The following ARHGAP44 variants were observed in gnomAD, a reference collection of about 807,000 sequenced individuals.
ARHGAP44 encodes the protein Rho GTPase activating protein 44, also known as rho GTPase-activating protein 44.
In ARHGAP44, 43 loss-of-function variants were observed where a neutral mutation model predicts 106.8. The observed-to-expected ratio is 0.40, with a 90% CI of 0.32 to 0.52. The LOEUF is 0.52. Ranked by LOEUF, ARHGAP44 falls within the 20% of genes least tolerant of loss-of-function variation. ARHGAP44 has a pLI of 0.48. For missense variants in ARHGAP44, 866 were observed against 1,050.5 expected, an observed-to-expected ratio of 0.82 and a Z score of 2.43; for synonymous variants, 439 against 410.3, an observed-to-expected ratio of 1.07 and a Z score of -0.85.
intron 1 of ARHGAP44, among the ~76,000 whole-genome samples, chr17:12,865,324 A>AT (rs2036205632): frequency 6.6e-6 from 1 of 152,108 alleles, no homozygotes. Flanking sequence ...CTCAATAACC[A>AT]TTTTTTGTTT....
chr17:12,809,019 C>T (rs2034361990), intron 1 of ARHGAP44, among the ~76,000 whole-genome samples: 5 of 152,194 alleles, frequency 3.3e-5, no homozygotes, highest in Admixed American at 2.6e-4. Context: ...TCATCTCTAT[C>T]AAGTTTAAAG....
rs898449512 is a variant in ARHGAP44, at chr17:12,958,332, C to T, written c.1343-385C>T. On this transcript the variant is annotated intron_variant, in intron 15 of 20. Transcript: ENST00000379672. This position sits in a 1 kb window ranked among gnomAD's most constrained non-coding sequence, Gnocchi z 4.1. ...TGACTAATTCCATTGGCTAGTGTTT[C>T]TCAAATGGTGTTAAGTAATGGTAGT... Among the ~76,000 whole-genome samples the T allele has an allele frequency of 6.6e-6, 1 of 152,122 alleles. No individual in the cohort carries two copies. Among genetic ancestry groups the T allele is most frequent in the African/African-American group, 2.4e-5 (1 of 41,416 alleles).
chr17:12,871,944 CT>C (rs144061779), intron 1 of ARHGAP44, among the ~76,000 whole-genome samples: 56 of 152,152 alleles, frequency 3.7e-4, no homozygotes, highest in Non-Finnish European at 4.7e-4. Context: ...GCCAATTAAA[CT>C]TTTTTTCTTT....
chr17:12,960,308 G>A (rs370907320), intron 16 of ARHGAP44, among the ~76,000 whole-genome samples: 4 of 152,024 alleles, frequency 2.6e-5, no homozygotes, highest in Non-Finnish European at 4.4e-5. Flanking sequence ...GGTGGCTCAC[G>A]CCTATAATCC....
chr17:12,926,405 A>ATATATATAATATATATG (rs1251000017), intron 6 of ARHGAP44, among the ~76,000 whole-genome samples: 150 of 145,080 alleles, frequency 1.0e-3, no homozygotes, highest in Middle Eastern at 3.6e-3. Context: ...TATATATTGT[A>ATATATATAATATATATG]TATATATAAT....
rs369864245 is a variant in ARHGAP44 at position 12,974,223 on chromosome 17, C to G, written c.1676C>G (p.Pro559Arg). 6.5e-7 allele frequency: 1 copy of G among 1,546,282 alleles called. No individual in the cohort carries two copies. Among genetic ancestry groups the G allele is most frequent in the Non-Finnish European group, 8.7e-7 (1 of 1,145,622 alleles). ...PAELAAPLPS[P>R]LPEQPLDSPA... ...GAGCTGGCTGCGCCCCTGCCTTCGC[C>G]GCTGCCGGAGCAGCCCCTGGACAGC... The change falls in exon 18 of 21, where the codon CCG becomes CGG. Residue 559 changes from proline (P) to arginine (R), a missense_variant. By Grantham distance (103) the Pro-to-Arg change is moderately radical. Transcript: ENST00000379672.
At chr17:12,913,421 C>A (rs2037799146) in intron 4 of ARHGAP44, among the ~76,000 whole-genome samples, 1 of 151,510 alleles carries the variant, frequency 6.6e-6, no homozygotes, top group South Asian at 2.1e-4. Context: ...AGTATACTAC[C>A]CAGATTAACT....
intron 3 of ARHGAP44, among the ~76,000 whole-genome samples, chr17:12,899,114 G>A (rs1232371037): frequency 2.6e-5 from 4 of 152,112 alleles, no homozygotes; most frequent in African/African-American, 9.7e-5. Context: ...GGGACTACAG[G>A]TGTGCGCCAC....
intron 3 of ARHGAP44, among the ~76,000 whole-genome samples, chr17:12,905,596 A>T (rs1256066219): frequency 1.3e-5 from 2 of 152,082 alleles, no homozygotes; most frequent in African/African-American, 4.8e-5. Context: ...TGCTCCACTC[A>T]CTGACAGGAT....
At chr17:12,856,389 G>A (rs2035911927) in intron 1 of ARHGAP44, among the ~76,000 whole-genome samples, 1 of 152,114 alleles carries the variant, frequency 6.6e-6, no homozygotes, top group Non-Finnish European at 1.5e-5. Context: ...GTTGAGCATG[G>A]CAGATAAATA....
chr17:12,979,965 C>G, intron 18 of ARHGAP44, 93 bp from the exon 19 acceptor site: 1 of 1,342,402 alleles, frequency 7.4e-7, no homozygotes, highest in Non-Finnish European at 1.0e-6. Context: ...TGCACGGGGC[C>G]CAGAAGGACA....
At chr17:12,822,570 A>G (rs1411477446) in intron 1 of ARHGAP44, among the ~76,000 whole-genome samples, 2 of 152,206 alleles carry the variant, frequency 1.3e-5, no homozygotes, top group African/African-American at 4.8e-5. Context: ...TTATTTATGG[A>G]AAGAAACCAA....
chr17:12,802,963 ATATATATTTTTTTT>A (rs1386397513), intron 1 of ARHGAP44, among the ~76,000 whole-genome samples: 6 of 22,126 alleles, frequency 2.7e-4, no homozygotes, highest in Admixed American at 1.6e-3. Context: ...ATATATATAT[ATATATATTTTTTTT>A]TTTTTTTTTT....
chr17:12,939,119 A>G (rs1190205184), intron 7 of ARHGAP44, among the ~76,000 whole-genome samples: 1 of 152,186 alleles, frequency 6.6e-6, no homozygotes, highest in Non-Finnish European at 1.5e-5. Context: ...GGGAAGACAG[A>G]CAGGGTTGAT....
intron 1 of ARHGAP44, among the ~76,000 whole-genome samples, chr17:12,892,964 CT>C (rs975626776): frequency 6.0e-5 from 9 of 150,902 alleles, no homozygotes; most frequent in Non-Finnish European, 1.2e-4. Flanking sequence ...AATCTATTGT[CT>C]TTTTTTCTTT....
chr17:12,841,637 C>CACACAAAA (rs1555546100), intron 1 of ARHGAP44, among the ~76,000 whole-genome samples: 6 of 101,618 alleles, frequency 5.9e-5, no homozygotes, highest in African/African-American at 2.2e-4. Context: ...CACACACACA[C>CACACAAAA]ACAAACAAAC....
chr17:12,949,565 G>T lies in ARHGAP44; in HGVS notation c.974-84G>T, dbSNP rs1277467474. On this transcript the variant is annotated intron_variant, in intron 11 of 20. Coordinates refer to ENST00000379672, the MANE Select transcript of ARHGAP44 (RefSeq NM_014859.6). The surrounding 1 kb of genome is among the most constrained non-coding windows in gnomAD (Gnocchi z 4.1). ...TGGTCAGGAGGCCCATCCCCAGATG[G>T]AACCCACATAGGCAGTGCTGGCTGG... 5 of 1,313,544 alleles carry T rather than the reference G, an allele frequency of 3.8e-6. No homozygotes were observed. The highest frequency in any genetic ancestry group is 5.4e-6 in the Non-Finnish European group (5 of 927,756). 81.4% of individuals were successfully genotyped at this position (1,313,544 alleles called of 1,614,324 possible). A position where few individuals can be genotyped will look rare whatever the true frequency, so the allele number is the denominator to read the frequency against.
At chr17:12,913,014 T>C (rs1275326330) in intron 4 of ARHGAP44, among the ~76,000 whole-genome samples, 1 of 152,036 alleles carries the variant, frequency 6.6e-6, no homozygotes, top group Non-Finnish European at 1.5e-5. Flanking sequence ...CAGGGAATGG[T>C]GAAGGAAGAT....
chr17:12,967,249 CTTTTTTTTTTT>C (rs57651305), intron 16 of ARHGAP44, among the ~76,000 whole-genome samples: 35 of 93,180 alleles, frequency 3.8e-4, no homozygotes, highest in African/African-American at 9.6e-4. Context: ...ACTCTTTTTG[CTTTTTTTTTTT>C]TTTTTTTTTT....
Sources: gnomAD v4.1 joint callset for allele counts (sites outside exome capture counted in the v4.1 genomes callset) on GRCh38, gnomAD v4.1.1 for gene constraint, Gnocchi (gnomAD v3.1) non-coding constraint, MANE v1.5 for transcripts, NCBI Gene and HGNC (gene_info 2026-07-23, HGNC 2026-07-21) for gene names.